The following SLC19A1 variants were observed in gnomAD, a reference collection of about 807,000 sequenced individuals.
SLC19A1 encodes solute carrier family 19 member 1, also known as reduced folate transporter.
Under a neutral mutation model 35.3 loss-of-function variants are expected in SLC19A1, and 37 were observed. The ratio of observed to expected loss-of-function variants is 1.05; its 90% CI spans 0.81 to 1.38. The LOEUF (loss-of-function observed/expected upper bound fraction) is 1.38, where lower values mean the gene tolerates loss of function less well. Ranked by LOEUF, SLC19A1 falls within the 40% of genes most tolerant of loss-of-function variation. The pLI is 0.00. For synonymous variants in SLC19A1, 460 were observed against 398.5 expected, an observed-to-expected ratio of 1.15 and a Z score of -1.84; for missense variants, 831 against 826.9, an observed-to-expected ratio of 1.00 and a Z score of -0.06.
intron 1 of SLC19A1, among the ~76,000 whole-genome samples, chr21:45,555,131 C>G: frequency 8.5e-6 from 1 of 118,154 alleles, no homozygotes; most frequent in Non-Finnish European, 1.8e-5. Context: ...CCAGCAGCCT[C>G]GCGACGCAGG....
At chr21:45,511,234 C>G, downstream of SLC19A1, 1 of 1,488,062 alleles carries the variant, frequency 6.7e-7, no homozygotes, top group African/African-American at 1.4e-5. Flanking sequence ...CTGGTAGGTT[C>G]CCAGTGCCGT....
At chr21:45,505,258 T>C in intron 3 of SLC19A1, 9 of 1,595,448 alleles carry the variant, frequency 5.6e-6, no homozygotes, top group Non-Finnish European at 7.7e-6. Flanking sequence ...CCCCCTTCAT[T>C]TCCTGGCCCT....
intron 5 of SLC19A1, among the ~76,000 whole-genome samples, chr21:45,518,656 G>C (rs2038084271): frequency 6.6e-6 from 1 of 152,110 alleles, no homozygotes; most frequent in Non-Finnish European, 1.5e-5. Context: ...TTGAATAACA[G>C]TAATTGCTCA....
At position 45,523,244 on chromosome 21, in the gene SLC19A1, G is replaced by A. The variant is rs535012635; in HGVS notation, c.1293+2573C>T. Reference sequence around the variant, plus strand: ...ACAGGCACGGGGGCAAGATGAGCCCGCACCACCTCCTCTAGACCCAACAGG... The same window carrying A: ...ACAGGCACGGGGGCAAGATGAGCCCACACCACCTCCTCTAGACCCAACAGG... On this transcript the variant is annotated intron_variant, in intron 5 of 5. Transcript: ENST00000311124. 1.1e-3 allele frequency among the ~76,000 whole-genome samples: 167 copies of A among 152,224 alleles called. No individual in the cohort carries two copies. The South Asian group carries it at 0.013, about 12-fold the overall frequency.
chr21:45,503,688 A>G (rs2036997733), intron 3 of SLC19A1, among the ~76,000 whole-genome samples: 1 of 151,434 alleles, frequency 6.6e-6, no homozygotes, highest in South Asian at 2.1e-4. Flanking sequence ...CTAATGCTAG[A>G]TGACGAGTTA....
chr21:45,510,940 C>A (rs2037543190), downstream of SLC19A1, among the ~76,000 whole-genome samples: 1 of 29,526 alleles, frequency 3.4e-5, no homozygotes, highest in Admixed American at 2.6e-4. Flanking sequence ...CCCAAAAAAA[C>A]ACACACCCAC....
intron 3 of SLC19A1, among the ~76,000 whole-genome samples, chr21:45,503,180 C>T (rs2036957365): frequency 6.6e-6 from 1 of 152,276 alleles, no homozygotes; most frequent in East Asian, 1.9e-4. Flanking sequence ...AGTTTACAGT[C>T]CCACCAACAG....
rs141736898 is a variant in SLC19A1, at chr21:45,553,154, C to T, written c.-50+9588G>A. 9.2e-5 allele frequency among the ~76,000 whole-genome samples: 14 copies of T among 152,296 alleles called. No individual in the cohort carries two copies. In the East Asian group the frequency reaches 9.7e-4, roughly 11 times the overall value. ...CCTGGAGGGCAGGGGCCTTTGCTGCCGTGGGTGCAGTTTTGTAAGCAGAGG... is the reference window on the plus strand; with the variant it reads ...CCTGGAGGGCAGGGGCCTTTGCTGCTGTGGGTGCAGTTTTGTAAGCAGAGG... On this transcript the variant is annotated intron_variant, in intron 1 of 5. Transcript: ENST00000650808.
downstream of SLC19A1, among the ~76,000 whole-genome samples, chr21:45,507,790 C>T (rs768916212): frequency 8.5e-5 from 13 of 152,316 alleles, no homozygotes; most frequent in Admixed American, 4.6e-4. Flanking sequence ...CCAGTACCTC[C>T]GTCTCAGCTG....
chr21:45,535,622 C>T (rs1370456846), intron 2 of SLC19A1, among the ~76,000 whole-genome samples: 1 of 152,188 alleles, frequency 6.6e-6, no homozygotes, highest in African/African-American at 2.4e-5. Flanking sequence ...AAGCAGCATT[C>T]GCCCCAGGAG....
chr21:45,524,904 C>G (rs2077555676), intron 5 of SLC19A1, among the ~76,000 whole-genome samples: 1 of 152,238 alleles, frequency 6.6e-6, no homozygotes, highest in African/African-American at 2.4e-5. Flanking sequence ...TGAGTGTTCA[C>G]ACCTGGGTCG....
chr21:45,523,233 A>C (rs1015110298), intron 5 of SLC19A1, among the ~76,000 whole-genome samples: 6 of 152,164 alleles, frequency 3.9e-5, no homozygotes, highest in Admixed American at 1.3e-4. Flanking sequence ...GCACGGGGGC[A>C]AGATGAGCCC....
intron 1 of SLC19A1, among the ~76,000 whole-genome samples, chr21:45,560,446 G>A (rs1043552662): frequency 2.0e-5 from 3 of 151,422 alleles, no homozygotes; most frequent in Non-Finnish European, 2.9e-5. Context: ...CCGCTAGGGT[G>A]CCCACGGTGG....
chr21:45,515,560 G>A lies in SLC19A1; in HGVS notation c.*98C>T. ...CCTAGGGGGCCTGCTAGCAGGATAA[G>A]CGGAGGCCCCCATTGCTAAGGCAGG... On this transcript the variant is annotated 3_prime_UTR_variant, in exon 6 of 6. Transcript: ENST00000311124. 1.3e-6 allele frequency: 2 copies of A among 1,568,166 alleles called. No individual in the cohort carries two copies. Among genetic ancestry groups the A allele is most frequent in the Middle Eastern group, 2.1e-4 (1 of 4,786 alleles).
At chr21:45,510,171 C>T (rs545850984), downstream of SLC19A1, 46 of 1,595,576 alleles carry the variant, frequency 2.9e-5, 1 homozygote, top group East Asian at 7.6e-4. Flanking sequence ...TGGCGGGCAC[C>T]TTCCGCGCCT....
chr21:45,539,331 C>G (rs1328505357), intron 1 of SLC19A1, among the ~76,000 whole-genome samples: 1 of 152,216 alleles, frequency 6.6e-6, no homozygotes, highest in Admixed American at 6.5e-5. Context: ...GGGGATGCAG[C>G]GCATGCAGAG....
chr21:45,503,993 C>G, intron 3 of SLC19A1: 2 of 1,613,428 alleles, frequency 1.2e-6, no homozygotes, highest in Non-Finnish European at 1.7e-6. Flanking sequence ...CGAGACCCCG[C>G]CTGTCTCTCT....
At chr21:45,549,234 G>A (rs1044958186), upstream of SLC19A1, among the ~76,000 whole-genome samples, 44 of 152,168 alleles carry the variant, frequency 2.9e-4, no homozygotes, top group African/African-American at 8.9e-4. Context: ...CAGCACCCTC[G>A]TGCTGGAGGG....
At position 45,532,234 on chromosome 21, in the gene SLC19A1, G is replaced by A. The variant is rs1602834347; in HGVS notation, c.190-86C>T. The A allele has an allele frequency of 7.8e-6, 9 of 1,147,890 alleles. No individual in the cohort carries two copies. In the East Asian group the frequency reaches 2.1e-4, roughly 27 times the overall value. 71.1% of individuals were successfully genotyped at this position (1,147,890 alleles called of 1,614,324 possible). A position where few individuals can be genotyped will look rare whatever the true frequency, so the allele number is the denominator to read the frequency against. On this transcript the variant is annotated intron_variant, in intron 2 of 5. Coordinates refer to ENST00000311124, the MANE Select transcript of SLC19A1 (RefSeq NM_194255.4). ...CAGCCCGCCCGAGGTGATGGCTGCTGACGGCTTCCTGCCCCAACACTGCCT... is the reference window on the plus strand; with the variant it reads ...CAGCCCGCCCGAGGTGATGGCTGCTAACGGCTTCCTGCCCCAACACTGCCT...
Sources: allele counts gnomAD v4.1 joint callset (sites outside exome capture counted in the v4.1 genomes callset), GRCh38; gene constraint gnomAD v4.1.1; transcripts MANE v1.5; gene names NCBI Gene and HGNC (gene_info 2026-07-23, HGNC 2026-07-21).